Variants in DLG2 observed in about 807,000 individuals in gnomAD.
DLG2 encodes disks large homolog 2.
Under a neutral mutation model 132.5 loss-of-function variants are expected in DLG2, and 45 were observed. The ratio of observed to expected loss-of-function variants is 0.34; its 90% CI spans 0.27 to 0.44. The LOEUF is 0.44. Among genes scored for constraint, DLG2 ranks in the 20% least tolerant of loss-of-function variants. DLG2 has a pLI of 1.00. For missense variants in DLG2, 1,045 were observed against 1,196.9 expected, an observed-to-expected ratio of 0.87 and a Z score of 1.87; for synonymous variants, 424 against 419.6, an observed-to-expected ratio of 1.01 and a Z score of -0.13.
At chr11:85,128,635 T>C (rs1364647766) in intron 5 of DLG2, among the ~76,000 whole-genome samples, 1 of 152,212 alleles carries the variant, frequency 6.6e-6, no homozygotes, top group Non-Finnish European at 1.5e-5. Flanking sequence ...ACTATTGTCC[T>C]ATTGCCCAAT....
chr11:84,623,797 TA>T (rs1329806666), intron 6 of DLG2, among the ~76,000 whole-genome samples: 1 of 152,204 alleles, frequency 6.6e-6, no homozygotes, highest in Non-Finnish European at 1.5e-5. Flanking sequence ...CCTACCACCA[TA>T]GTATACATAC....
At chr11:84,555,845 T>C (rs928042720) in intron 6 of DLG2, among the ~76,000 whole-genome samples, 2 of 152,200 alleles carry the variant, frequency 1.3e-5, no homozygotes, top group African/African-American at 4.8e-5. Flanking sequence ...AAGCTTACTC[T>C]AGCTGCCAAA....
chr11:84,954,163 C>T (rs1042432584), intron 6 of DLG2, among the ~76,000 whole-genome samples: 51 of 152,046 alleles, frequency 3.4e-4, no homozygotes, highest in African/African-American at 1.2e-3. Context: ...CTACTTTAAG[C>T]CTACCCTTAC....
chr11:84,153,910 T>C (rs1336942015), intron 9 of DLG2, among the ~76,000 whole-genome samples: 1 of 152,242 alleles, frequency 6.6e-6, no homozygotes, highest in Non-Finnish European at 1.5e-5. Flanking sequence ...AATTTTTGAA[T>C]TGCCAGAGTT....
intron 16 of DLG2, among the ~76,000 whole-genome samples, chr11:83,843,560 G>T (rs2058039013): frequency 6.6e-6 from 1 of 152,104 alleles, no homozygotes. Flanking sequence ...TTTGGAAGCG[G>T]GTACAGGCTG....
chr11:84,684,601 C>T (rs2099736419), intron 6 of DLG2, among the ~76,000 whole-genome samples: 1 of 152,118 alleles, frequency 6.6e-6, no homozygotes, highest in South Asian at 2.1e-4. Context: ...GGTTTCAAAT[C>T]CCAACTGAGT....
chr11:84,561,821 T>C lies in DLG2; in HGVS notation c.358-27090A>G, dbSNP rs2099429288. On this transcript the variant is annotated intron_variant, in intron 6 of 27. Transcript: ENST00000376104. ...CCATGAACCTTGTACACAATACATA[T>C]TAATTTGAAGATTTAAAATTGACTT... Among the ~76,000 whole-genome samples, 3 of 152,272 alleles carry C rather than the reference T, an allele frequency of 2.0e-5. 1 individual carries two copies. In the South Asian group the frequency reaches 6.2e-4, roughly 32 times the overall value.
intron 18 of DLG2, among the ~76,000 whole-genome samples, chr11:83,643,219 A>G (rs74921772): frequency 0.024 from 3,670 of 152,312 alleles, 151 homozygotes; most frequent in African/African-American, 0.078. Flanking sequence ...TCTGAGATTT[A>G]TCTCAAAAGT....
chr11:85,622,509 ATTAGTAAGATACT>A (rs2081785783), intron 2 of DLG2, among the ~76,000 whole-genome samples: 2 of 152,268 alleles, frequency 1.3e-5, no homozygotes, highest in South Asian at 4.1e-4. Flanking sequence ...GCAAATGTAA[ATTAGTAAGATACT>A]ATAAAACAAG....
intron 7 of DLG2, among the ~76,000 whole-genome samples, chr11:84,523,247 G>A (rs2099309949): frequency 6.6e-6 from 1 of 152,062 alleles, no homozygotes; most frequent in Non-Finnish European, 1.5e-5. Context: ...AAGTACTACA[G>A]ACTTTCCACG....
intron 3 of DLG2, among the ~76,000 whole-genome samples, chr11:85,543,862 T>C (rs925732818): frequency 1.3e-5 from 2 of 152,188 alleles, no homozygotes; most frequent in African/African-American, 4.8e-5. Flanking sequence ...TAAATTTGTT[T>C]AAGTTCTTTG....
intron 19 of DLG2, among the ~76,000 whole-genome samples, chr11:83,576,272 C>T (rs7944810): frequency 0.012 from 1,880 of 152,216 alleles, 36 homozygotes; most frequent in African/African-American, 0.043. Flanking sequence ...TATCAACCAA[C>T]TGTGAGACAC....
intron 6 of DLG2, among the ~76,000 whole-genome samples, chr11:84,641,049 T>C (rs1262199522): frequency 2.6e-5 from 4 of 152,180 alleles, no homozygotes; most frequent in East Asian, 1.9e-4. Context: ...CTTTTCCCTC[T>C]GGGGAAACTG....
At chr11:85,248,276 G>C (rs2076232294) in intron 4 of DLG2, among the ~76,000 whole-genome samples, 2 of 152,000 alleles carry the variant, frequency 1.3e-5, no homozygotes, top group African/African-American at 4.8e-5. Flanking sequence ...TCATCATTTG[G>C]TTCTGATGTC....
chr11:85,190,880 A>G (rs1008717722), intron 4 of DLG2, among the ~76,000 whole-genome samples: 2 of 152,242 alleles, frequency 1.3e-5, no homozygotes, highest in African/African-American at 4.8e-5. Context: ...TGTTGTGAAG[A>G]AAAGGGACAA....
At chr11:85,130,590 A>G (rs752735635) in intron 5 of DLG2, among the ~76,000 whole-genome samples, 2 of 152,366 alleles carry the variant, frequency 1.3e-5, no homozygotes, top group Non-Finnish European at 2.9e-5. Context: ...TATCATAATT[A>G]ACAGTTCCAG....
rs980584720 is a variant in DLG2, at chr11:84,204,994, G to A, written c.574-41483C>T. On this transcript the variant is annotated intron_variant, in intron 8 of 27. Coordinates refer to ENST00000376104, the MANE Select transcript of DLG2 (RefSeq NM_001142699.3). Reference sequence around the variant, plus strand: ...GCTGGGATTACAGGCGTGAGTCACCGCACCCAGCAGCCACTGATGTACTTT... The same window carrying A: ...GCTGGGATTACAGGCGTGAGTCACCACACCCAGCAGCCACTGATGTACTTT... Among the ~76,000 whole-genome samples the A allele has an allele frequency of 1.7e-4, 26 of 152,244 alleles. No homozygotes were observed. The South Asian group carries it at 2.7e-3, about 16-fold the overall frequency.
intron 3 of DLG2, among the ~76,000 whole-genome samples, chr11:85,560,512 T>C (rs979532228): frequency 6.6e-6 from 1 of 151,798 alleles, no homozygotes; most frequent in African/African-American, 2.4e-5. Context: ...ATTCAACTTA[T>C]ATGAAATGTC....
chr11:84,291,160 G>A (rs552375417), intron 7 of DLG2, among the ~76,000 whole-genome samples: 1 of 152,172 alleles, frequency 6.6e-6, no homozygotes, highest in African/African-American at 2.4e-5. Context: ...TTCTAAAGAT[G>A]AGGCAGTTTT....
Sources: allele counts gnomAD v4.1 joint callset (sites outside exome capture counted in the v4.1 genomes callset), GRCh38; gene constraint gnomAD v4.1.1; transcripts MANE v1.5; gene names NCBI Gene and HGNC (gene_info 2026-07-23, HGNC 2026-07-21).